Variants in FANCM observed in about 807,000 individuals in gnomAD.
The protein encoded by FANCM is Fanconi anemia group M protein.
FANCM carries 140 observed loss-of-function variants against 199.5 expected under a neutral mutation model. The observed-to-expected ratio is 0.70, with a 90% CI of 0.61 to 0.81. FANCM has a LOEUF of 0.81. Ranked by LOEUF, FANCM falls within the 30% of genes least tolerant of loss-of-function variation. FANCM has a pLI of 0.00. For missense variants in FANCM, 2,410 were observed against 2,421.4 expected (o/e 1.00, Z 0.10); for synonymous variants, 840 against 836.8 (o/e 1.00, Z -0.07).
In FANCM at chr14:45,189,219, CAG is replaced by C. The variant is rs1889609465; in HGVS notation, c.5199_5200del (p.Gln1733HisfsTer21). Reference protein sequence around the residue: ...RVNPLAKQSKQTSLNLKDTIS... With the variant: ...RVNPLAKQSKXTSLNLKDTIS... ...TAATCCATTAGCAAAGCAGAGCAAACAGACATCGCTGAATTTAAAGGATACAA... is the reference window on the plus strand; with the variant it reads ...TAATCCATTAGCAAAGCAGAGCAAACACATCGCTGAATTTAAAGGATACAA... On this transcript the variant is annotated frameshift_variant, in exon 20 of 23. Transcript: ENST00000267430. LOFTEE classifies it high-confidence loss of function. 2 of 1,614,000 alleles carry C rather than the reference CAG, an allele frequency of 1.2e-6. No individual in the cohort carries two copies. Among genetic ancestry groups the C allele is most frequent in the Non-Finnish European group, 1.7e-6 (2 of 1,180,004 alleles).
chr14:45,189,697 G>C (rs565153814), intron 20 of FANCM, among the ~76,000 whole-genome samples: 2 of 152,204 alleles, frequency 1.3e-5, no homozygotes, highest in East Asian at 3.9e-4. Flanking sequence ...GGCCAGATGC[G>C]GTGGCTCATG....
intron 3 of FANCM, 92 bp from the exon 4 acceptor site, chr14:45,148,745 C>G: frequency 1.2e-6 from 1 of 810,030 alleles, no homozygotes; most frequent in Non-Finnish European, 2.0e-6. Context: ...GTGCTTCTTT[C>G]AAAATTTTAC....
Position 45,176,770 on chromosome 14 carries a change from C to T in FANCM, c.4016C>T (p.Thr1339Ile), listed in dbSNP as rs1166545385. Residue 1339 changes from threonine (T) to isoleucine (I), a missense_variant, in exon 14 of 23, where the codon ACA becomes ATA. Transcript: ENST00000267430. ...CCAGTGCAAAAAAAAGTTATGAGTA[C>T]ACCACTCTCTAAATCAAACACATTG... is the stretch of plus-strand genomic sequence containing the variant. The part of the protein sequence containing the change: ...SLPVQKKVMS[T>I]PLSKSNTLNS... 6 of 1,611,502 alleles carry T rather than the reference C, an allele frequency of 3.7e-6. No individual in the cohort carries two copies. The highest frequency in any genetic ancestry group is 1.7e-5 in the Admixed American group (1 of 59,752).
rs760936975 is a variant in FANCM at position 45,181,430 on chromosome 14, A to T, written c.4223A>T (p.Asp1408Val). Residue 1408 changes from aspartate to valine, a missense_variant and splice_region_variant, in exon 15 of 23, where the codon GAT becomes GTT. By Grantham distance (152) the Asp-to-Val change is radical. Coordinates refer to ENST00000267430, the MANE Select transcript of FANCM (RefSeq NM_020937.4). ...YLHKSCHSVE[D>V]GQLLTSNESE... ...CATTATTTTAAAAAATAAATTATAG[A>T]TGGACAATTATTAACAAGTAACGAA... is the stretch of plus-strand genomic sequence containing the variant. 8.5e-6 allele frequency: 13 copies of T among 1,524,990 alleles called. No homozygotes were observed. Among genetic ancestry groups the T allele is most frequent in the Non-Finnish European group, 1.2e-5 (13 of 1,100,620 alleles). 94.5% of individuals were successfully genotyped at this position (1,524,990 alleles called of 1,614,324 possible).
chr14:45,199,786 T>C, intron 22 of FANCM, 84 bp from the exon 23 acceptor site: 1 of 1,181,776 alleles, frequency 8.5e-7, no homozygotes, highest in Non-Finnish European at 1.3e-6. Flanking sequence ...TAAAGGCTAC[T>C]GTGTTTGGTG....
Position 45,199,977 on chromosome 14 carries a change from T to C in FANCM, c.6116T>C (p.Leu2039Pro). ...VFDIQMLPND[L>P]NQDRLKSDI ...GACATACAAATGTTACCAAATGATCTTAACCAAGATAGACTGAAATCTGAT... is the reference window on the plus strand; with the variant it reads ...GACATACAAATGTTACCAAATGATCCTAACCAAGATAGACTGAAATCTGAT... The change falls in exon 23 of 23, where the codon CTT (leucine) becomes CCT (proline). Residue 2039 changes from leucine to proline, a missense_variant. Leu to Pro is a moderately conservative substitution (Grantham distance 98). Transcript: ENST00000267430. 2 of 1,609,582 alleles carry C rather than the reference T, an allele frequency of 1.2e-6. No individual in the cohort carries two copies. The highest frequency in any genetic ancestry group is 2.2e-5 in the South Asian group (2 of 90,914).
Position 45,148,834 on chromosome 14 carries a change from T to G in FANCM, c.760-3T>G. On this transcript the variant is annotated splice_polypyrimidine_tract_variant and splice_region_variant and intron_variant, in intron 3 of 22. Transcript: ENST00000267430. ...ATAATCATACTTAATTGATTTCATA[T>G]AGGCTGTGCAACAAGTTATTACTAA... 1 of 1,598,820 alleles carries G rather than the reference T, an allele frequency of 6.3e-7. No individual in the cohort carries two copies. Among genetic ancestry groups the G allele is most frequent in the Admixed American group, 1.7e-5 (1 of 60,002 alleles).
intron 19 of FANCM, 95 bp downstream of exon 19, chr14:45,187,982 C>A: frequency 1.4e-6 from 1 of 718,858 alleles, no homozygotes; most frequent in Non-Finnish European, 2.5e-6. Flanking sequence ...TAAAACTGGG[C>A]TGTCAGAGCT....
chr14:45,164,549 A>T lies in FANCM; in HGVS notation c.1772A>T (p.Glu591Val). Residue 591 changes from glutamate to valine, a missense_variant, in exon 10 of 23, where the codon GAA (glutamate) becomes GTA (valine). By Grantham distance (121) the Glu-to-Val change is moderately radical (BLOSUM62 -2). Transcript: ENST00000267430. ...GGCAGGATAGTTATTATCCTTTCTGAAGGACGAGAGGAACGTGTAAGTAGA... is the reference window on the plus strand; with the variant it reads ...GGCAGGATAGTTATTATCCTTTCTGTAGGACGAGAGGAACGTGTAAGTAGA... ...RQGRIVIILS[E>V]GREERIYNQS... 1 of 1,612,344 alleles carries T rather than the reference A, an allele frequency of 6.2e-7. No individual in the cohort carries two copies. Among genetic ancestry groups the T allele is most frequent in the East Asian group, 2.2e-5 (1 of 44,866 alleles).
At chr14:45,165,408 T>C (rs530729460) in intron 10 of FANCM, among the ~76,000 whole-genome samples, 3 of 151,892 alleles carry the variant, frequency 2.0e-5, no homozygotes, top group African/African-American at 7.2e-5. Flanking sequence ...ACGAGACAGG[T>C]GTGGTGGCGC....
At chr14:45,187,014 C>T (rs1281785111) in intron 18 of FANCM, among the ~76,000 whole-genome samples, 2 of 152,036 alleles carry the variant, frequency 1.3e-5, no homozygotes, top group Non-Finnish European at 2.9e-5. Context: ...AGATTGGATT[C>T]TGGATACATA....
At chr14:45,139,764 G>A (rs1438887992) in intron 2 of FANCM, among the ~76,000 whole-genome samples, 1 of 152,168 alleles carries the variant, frequency 6.6e-6, no homozygotes, top group African/African-American at 2.4e-5. Flanking sequence ...ATCACTTGAG[G>A]CCAGGAGTTC....
Position 45,176,650 on chromosome 14 carries a change from A to T in FANCM, c.3896A>T (p.Asn1299Ile), listed in dbSNP as rs761637559. 3 of 1,613,732 alleles carry T rather than the reference A, an allele frequency of 1.9e-6. No individual in the cohort carries two copies. The highest frequency in any genetic ancestry group is 2.2e-5 in the South Asian group (2 of 91,038). ...FTSGTVIIPS[N>I]EDMQNPNYVH... ...AGTGGAACTGTTATTATCCCATCAA[A>T]TGAAGATATGCAGAATCCAAATTAT... The change falls in exon 14 of 23, where the codon AAT (asparagine) becomes ATT (isoleucine). Residue 1299 changes from asparagine (N) to isoleucine (I), a missense_variant. Coordinates refer to ENST00000267430, the MANE Select transcript of FANCM (RefSeq NM_020937.4).
Position 45,183,842 on chromosome 14 carries a change from G to T in FANCM, c.4455G>T (p.Lys1485Asn), listed in dbSNP as rs554011196. ...PKPCSQLEDF[K>N]VCNGNARRGI... ...CATGTTCACAATTAGAAGACTTCAA[G>T]GTTTGTAACGGGAATGCCAGAAGAG... Residue 1485 changes from lysine (K) to asparagine (N), a missense_variant, in exon 17 of 23, where the codon AAG (lysine) becomes AAT (asparagine). Coordinates refer to ENST00000267430, the MANE Select transcript of FANCM (RefSeq NM_020937.4). The T allele has an allele frequency of 6.2e-7, 1 of 1,610,342 alleles. No individual in the cohort carries two copies. The highest frequency in any genetic ancestry group is 8.5e-7 in the Non-Finnish European group (1 of 1,176,838).
At chr14:45,195,541 C>G in intron 20 of FANCM, 1 of 456,652 alleles carries the variant, frequency 2.2e-6, no homozygotes, top group Non-Finnish European at 4.4e-6. Flanking sequence ...AAGAGGAGCT[C>G]ATGGTCCACA....
At position 45,200,133 on chromosome 14, in the gene FANCM, ACAT is replaced by A; in HGVS notation, c.*126_*128del. ...TTTATTTAAATATTTTATATTGTAT[ACAT>A]TTTTATTTATAGATTATAGAAATTA... On this transcript the variant is annotated 3_prime_UTR_variant, in exon 23 of 23. Coordinates refer to ENST00000267430, the MANE Select transcript of FANCM (RefSeq NM_020937.4). 1 of 358,384 alleles carries A rather than the reference ACAT, an allele frequency of 2.8e-6. No homozygotes were observed. The highest frequency in any genetic ancestry group is 4.5e-6 in the Non-Finnish European group (1 of 221,890). 22.2% of individuals were successfully genotyped at this position (358,384 alleles called of 1,614,324 possible).
intron 2 of FANCM, among the ~76,000 whole-genome samples, chr14:45,139,024 A>G (rs1379587260): frequency 6.6e-6 from 1 of 152,220 alleles, no homozygotes; most frequent in Non-Finnish European, 1.5e-5. Context: ...AATCTGAAAG[A>G]ACACTTTGAA....
chr14:45,147,704 C>G (rs1886507955), intron 3 of FANCM, among the ~76,000 whole-genome samples: 1 of 151,466 alleles, frequency 6.6e-6, no homozygotes, highest in Admixed American at 6.6e-5. Context: ...ACCAGTTAGG[C>G]CAACATGGTG....
intron 3 of FANCM, among the ~76,000 whole-genome samples, chr14:45,143,461 A>T (rs117577361): frequency 0.019 from 2,871 of 151,942 alleles, 44 homozygotes; most frequent in African/African-American, 0.038. Context: ...GATTATTGGC[A>T]TGAGCCACCA....
Sources: allele counts gnomAD v4.1 joint callset (sites outside exome capture counted in the v4.1 genomes callset), GRCh38; gene constraint gnomAD v4.1.1; transcripts MANE v1.5; gene names NCBI Gene and HGNC (gene_info 2026-07-23, HGNC 2026-07-21).